MYH6: variants seen among roughly 807,000 people sequenced by gnomAD.
The protein encoded by MYH6 is myosin heavy chain 6, also known as myosin-6.
Under a neutral mutation model 223.2 loss-of-function variants are expected in MYH6, and 126 were observed. That is an observed-to-expected ratio of 0.56 (90% confidence interval 0.49 to 0.65). MYH6 has a LOEUF of 0.65. Among genes scored for constraint, MYH6 ranks in the 30% least tolerant of loss-of-function variants. The probability of loss-of-function intolerance (pLI) is 0.00; values close to 1 mark genes in which losing one functional copy is unlikely to be tolerated. For synonymous variants in MYH6, 978 were observed against 1,010.2 expected (o/e 0.97, Z 0.61); for missense variants, 2,040 against 2,536.4 (o/e 0.80, Z 4.20).
At chr14:23,403,610 A>G in intron 9 of MYH6, 105 bp downstream of exon 9, 2 of 1,249,592 alleles carry the variant, frequency 1.6e-6, no homozygotes, top group South Asian at 2.5e-5. Flanking sequence ...CCAGAGGCAA[A>G]TGCAGACAAA....
At chr14:23,389,303 T>A (rs1891151774) in intron 28 of MYH6, 90 bp downstream of exon 28, 1 of 1,450,128 alleles carries the variant, frequency 6.9e-7, no homozygotes, top group Non-Finnish European at 9.7e-7. Context: ...TGCAGAGGAC[T>A]CTTTCCAGCT....
chr14:23,392,445 G>A (rs1386130983), intron 25 of MYH6, 117 bp downstream of exon 25: 3 of 834,820 alleles, frequency 3.6e-6, no homozygotes, highest in South Asian at 2.7e-5. Flanking sequence ...GGGATGGTTG[G>A]GTCTATGAGG....
chr14:23,404,405 A>T lies in MYH6; in HGVS notation c.643-17T>A. On this transcript the variant is annotated splice_polypyrimidine_tract_variant and intron_variant, in intron 7 of 38. Coordinates refer to ENST00000405093, the MANE Select transcript of MYH6 (RefSeq NM_002471.4). ...CAGGGTGCCCTATGAAAGGAGCAGA[A>T]CTGCATGGGTTCATCCTCCATCCAC... is the stretch of plus-strand genomic sequence containing the variant. 1.2e-6 allele frequency: 2 copies of T among 1,613,464 alleles called. No homozygotes were observed. The highest frequency in any genetic ancestry group is 1.3e-5 in the African/African-American group (1 of 75,036).
Position 23,402,796 on chromosome 14 carries a change from C to T in MYH6, c.903G>A (p.Met301Ile), listed in dbSNP as rs1469961484. ...CGTAGGGATTGTTGGTGACCAGCAGCATGTCTGCACCAGGCAAGGGGTGAG... is the reference window on the plus strand; with the variant it reads ...CGTAGGGATTGTTGGTGACCAGCAGTATGTCTGCACCAGGCAAGGGGTGAG... ...LSNKKPELLD[M>I]LLVTNNPYDY... Residue 301 changes from methionine to isoleucine, a missense_variant, in exon 11 of 39, where the codon ATG (methionine) becomes ATA (isoleucine). Physicochemically the swap from Met to Ile is conservative, Grantham distance 10. Around this residue, in one of 4 missense-constraint regions of MYH6, gnomAD observed 649 missense variants for 877.3 expected, o/e 0.74. Transcript: ENST00000405093. 6.3e-7 allele frequency: 1 copy of T among 1,597,642 alleles called. No individual in the cohort carries two copies. Among genetic ancestry groups the T allele is most frequent in the Admixed American group, 1.7e-5 (1 of 58,782 alleles).
chr14:23,404,188 G>T (rs1374711810), intron 8 of MYH6, 108 bp downstream of exon 8: 8 of 1,322,832 alleles, frequency 6.0e-6, no homozygotes, highest in Non-Finnish European at 8.7e-6. Context: ...TGTGCATGTT[G>T]ATATCCCAAA....
chr14:23,383,049 G>T (rs538465223), intron 37 of MYH6, among the ~76,000 whole-genome samples, 176 bp downstream of exon 37: 5 of 152,326 alleles, frequency 3.3e-5, no homozygotes, highest in African/African-American at 1.2e-4. Context: ...TGTAGGTGGT[G>T]CCTTTGTTAA....
chr14:23,382,606 C>T, intron 37 of MYH6, 44 bp from the exon 38 acceptor site: 1 of 1,614,074 alleles, frequency 6.2e-7, no homozygotes, highest in East Asian at 2.2e-5. Flanking sequence ...TGGAGATGGG[C>T]TATGGGATTC....
intron 20 of MYH6, among the ~76,000 whole-genome samples, chr14:23,395,407 T>C (rs10149618): frequency 0.14 from 20,820 of 152,270 alleles, 1,838 homozygotes; most frequent in African/African-American, 0.24. Context: ...CAAGTTGTTT[T>C]AAGATCTTTG....
intron 25 of MYH6, among the ~76,000 whole-genome samples, chr14:23,391,565 C>T (rs1891237487): frequency 1.3e-5 from 2 of 152,210 alleles, no homozygotes; most frequent in South Asian, 4.1e-4. Flanking sequence ...TGTGTTCATA[C>T]ATTACTTGCA....
Position 23,403,730 on chromosome 14 carries a change from C to T in MYH6, c.784G>A (p.Ala262Thr), listed in dbSNP as rs1177384521. The T allele has an allele frequency of 4.3e-6, 7 of 1,612,928 alleles. No homozygotes were observed. Among genetic ancestry groups the T allele is most frequent in the Non-Finnish European group, 5.9e-6 (7 of 1,179,510 alleles). Residue 262 changes from alanine (A) to threonine (T), a missense_variant, in exon 9 of 39, where the codon GCA becomes ACA. By Grantham distance (58) the Ala-to-Thr change is moderately conservative. Transcript: ENST00000405093. ...TGGTACTCACAGGTCTCTATGTCTG[C>T]AGAAGCCAGCTTTCCAGTGGCCCCA... ...HFGATGKLAS[A>T]DIETYLLEKS... is the part of the protein sequence containing the mutation.
intron 14 of MYH6, 164 bp downstream of exon 14, chr14:23,400,092 G>A (rs183078240): frequency 3.8e-6 from 4 of 1,044,816 alleles, no homozygotes; most frequent in African/African-American, 1.6e-5. Context: ...AAGAGTGGGG[G>A]GATCATCCTG....
chr14:23,402,385 A>G lies in MYH6; in HGVS notation c.1141+79T>C, dbSNP rs1250692510. 3.1e-6 allele frequency: 5 copies of G among 1,596,036 alleles called. No homozygotes were observed. The South Asian group carries it at 5.5e-5, about 18-fold the overall frequency. ...CACCCCACTGCCCCACAAGCCTCAGAGTCTCTGGGATCTGAGTCCCGCAGA... is the reference window on the plus strand; with the variant it reads ...CACCCCACTGCCCCACAAGCCTCAGGGTCTCTGGGATCTGAGTCCCGCAGA... On this transcript the variant is annotated intron_variant, in intron 12 of 38. Coordinates refer to ENST00000405093, the MANE Select transcript of MYH6 (RefSeq NM_002471.4).
At chr14:23,399,853 C>T in intron 14 of MYH6, 1 of 314,816 alleles carries the variant, frequency 3.2e-6, no homozygotes, top group East Asian at 8.0e-5. Flanking sequence ...GGCCTTGTCT[C>T]TTCTGAGGAA....
intron 14 of MYH6, 74 bp downstream of exon 14, chr14:23,400,182 T>G (rs1377977466): frequency 6.2e-7 from 1 of 1,609,342 alleles, no homozygotes; most frequent in Admixed American, 1.7e-5. Context: ...GTTTCTTGGG[T>G]GTAGAAGGGA....
chr14:23,394,907 C>T (rs1326872123), intron 20 of MYH6, among the ~76,000 whole-genome samples: 1 of 152,072 alleles, frequency 6.6e-6, no homozygotes, highest in African/African-American at 2.4e-5. Context: ...CTCTTGTTGC[C>T]CAGGCTGGAG....
chr14:23,385,131 C>A, intron 34 of MYH6, 90 bp from the exon 35 acceptor site: 7 of 1,554,734 alleles, frequency 4.5e-6, no homozygotes, highest in Non-Finnish European at 6.2e-6. Flanking sequence ...TAAAGGTGGT[C>A]ATTTTTTTTT....
rs763764374 is a variant in MYH6, at chr14:23,397,208, A to G, written c.2012T>C (p.Phe671Ser). The change falls in exon 17 of 39, where the codon TTT (phenylalanine) becomes TCT (serine). Residue 671 changes from phenylalanine (F) to serine (S), a missense_variant. Physicochemically the swap from Phe to Ser is radical, Grantham distance 155 (BLOSUM62 -2). Transcript: ENST00000405093. ...CTCATTGGGGATGATGCAACGCACA[A>G]AGTGAGGATGGGTGGTCCTCAGGTT... ...MTNLRTTHPHFVRCIIPNERK... is the reference protein window; with the variant it reads ...MTNLRTTHPHSVRCIIPNERK... 7.4e-6 allele frequency: 12 copies of G among 1,614,232 alleles called. No homozygotes were observed. Among genetic ancestry groups the G allele is most frequent in the Non-Finnish European group, 1.0e-5 (12 of 1,180,038 alleles).
At chr14:23,389,330 G>A (rs1891152292) in intron 28 of MYH6, 63 bp downstream of exon 28, 3 of 1,548,058 alleles carry the variant, frequency 1.9e-6, no homozygotes, top group Admixed American at 3.3e-5. Context: ...TCCATTTCTG[G>A]CACTGAGATG....
chr14:23,406,053 G>C (rs1258275947), intron 3 of MYH6, among the ~76,000 whole-genome samples: 1 of 152,130 alleles, frequency 6.6e-6, no homozygotes, highest in East Asian at 1.9e-4. Context: ...TCACTCTTCA[G>C]TCCCTATGTT....
Sources: gnomAD v4.1 joint callset for allele counts (sites outside exome capture counted in the v4.1 genomes callset) on GRCh38, gnomAD v4.1.1 for gene constraint, gnomAD v4.1.1 regional missense constraint, MANE v1.5 for transcripts, NCBI Gene and HGNC (gene_info 2026-07-23, HGNC 2026-07-21) for gene names.